Variants in SCML2 observed in about 807,000 individuals in gnomAD.
SCML2 encodes the protein Scm polycomb group protein like 2, also known as sex comb on midleg-like protein 2.
SCML2 carries 6 observed loss-of-function variants against 48.4 expected under a neutral mutation model. The observed-to-expected ratio is 0.12, with a 90% CI of 0.07 to 0.24. The LOEUF (loss-of-function observed/expected upper bound fraction) is 0.24, where lower values mean the gene tolerates loss of function less well. Ranked by LOEUF, SCML2 falls within the 10% of genes least tolerant of loss-of-function variation. The probability of loss-of-function intolerance (pLI) is 1.00; values close to 1 mark genes in which losing one functional copy is unlikely to be tolerated. For synonymous variants in SCML2, 181 were observed against 189.5 expected (o/e 0.95, Z 0.37); for missense variants, 377 against 528.2 (o/e 0.71, Z 2.81).
chrX:18,282,838 G>T (rs1927914365), intron 7 of SCML2, among the ~76,000 whole-genome samples: 1 of 111,341 alleles, frequency 9.0e-6, no homozygotes. Context: ...CAGAACAAAT[G>T]AATTCACAGC....
intron 6 of SCML2, among the ~76,000 whole-genome samples, chrX:18,315,762 C>T (rs1929102542): frequency 8.9e-6 from 1 of 112,098 alleles, no homozygotes; most frequent in Non-Finnish European, 1.9e-5. Context: ...TGTTTCAAAA[C>T]AACTTATGTA....
intron 7 of SCML2, among the ~76,000 whole-genome samples, chrX:18,274,036 T>A (rs1159061833): frequency 9.0e-6 from 1 of 111,714 alleles, no homozygotes; most frequent in Non-Finnish European, 1.9e-5. Context: ...TGCAACCTCA[T>A]TCCTCCTGGA....
chrX:18,303,991 C>T (rs982577479), intron 7 of SCML2, among the ~76,000 whole-genome samples: 1 of 111,917 alleles, frequency 8.9e-6, no homozygotes, highest in African/African-American at 3.2e-5. Flanking sequence ...TACTTAGTAG[C>T]GTTAGTTTTT....
At chrX:18,347,987 C>T (rs1349881936) in intron 1 of SCML2, among the ~76,000 whole-genome samples, 1 of 111,126 alleles carries the variant, frequency 9.0e-6, no homozygotes, top group Non-Finnish European at 1.9e-5. Flanking sequence ...TTTAAGTTAC[C>T]CCCCAAAAAA....
chrX:18,320,545 T>C (rs945698680), intron 5 of SCML2, 125 bp from the exon 6 acceptor site: 1 of 406,741 alleles, frequency 2.5e-6, no homozygotes, highest in Admixed American at 4.0e-5. Context: ...TCTAAGAACT[T>C]TGAACATGGG....
rs1930485882 is a variant in SCML2 at position 18,354,650 on chromosome X, C to G, written c.-83G>C. 2 of 287,862 alleles carry G rather than the reference C, an allele frequency of 6.9e-6. No individual in the cohort carries two copies. Among genetic ancestry groups the G allele is most frequent in the African/African-American group, 5.5e-5 (2 of 36,186 alleles). 23.7% of individuals were successfully genotyped at this position (287,862 alleles called of 1,213,427 possible). ...GTCCCACCGATCGCGCGAGCCGGCACCGAGCTTCACACCGCCGCCGCCATG... is the reference window on the plus strand; with the variant it reads ...GTCCCACCGATCGCGCGAGCCGGCAGCGAGCTTCACACCGCCGCCGCCATG... On this transcript the variant is annotated 5_prime_UTR_variant, in exon 1 of 15. Transcript: ENST00000251900.
chrX:18,330,490 A>T, intron 3 of SCML2, 97 bp downstream of exon 3: 1 of 471,288 alleles, frequency 2.1e-6, no homozygotes, highest in Non-Finnish European at 3.5e-6. Context: ...AGACTGTACA[A>T]TAAGAAATCA....
At chrX:18,270,315 C>T (rs1397106856) in intron 7 of SCML2, among the ~76,000 whole-genome samples, 1 of 111,467 alleles carries the variant, frequency 9.0e-6, no homozygotes, top group East Asian at 2.8e-4. Context: ...GCATAAGCCA[C>T]CGCGCCCGGC....
At chrX:18,315,436 T>C (rs1311438674) in intron 6 of SCML2, among the ~76,000 whole-genome samples, 2 of 111,627 alleles carry the variant, frequency 1.8e-5, no homozygotes, top group Non-Finnish European at 3.8e-5. Context: ...AAGGTTTTTG[T>C]ATAAGATACA....
In SCML2 at chrX:18,262,238, T is replaced by TA. The variant is rs1034979662; in HGVS notation, c.949-1948dup. Among the ~76,000 whole-genome samples, 68 of 106,725 alleles carry TA rather than the reference T, an allele frequency of 6.4e-4. 2 individuals carry two copies. The highest frequency in any genetic ancestry group is 1.0e-3 in the African/African-American group (29 of 27,880). 92.7% of individuals were successfully genotyped at this position (106,725 alleles called of 115,157 possible). A position where few individuals can be genotyped will look rare whatever the true frequency, so the allele number is the denominator to read the frequency against. On this transcript the variant is annotated intron_variant, in intron 8 of 14. Transcript: ENST00000251900. ...TGTAGACAGGACATATTTGGGTCTT[T>TA]AAAAAAAAATCCATGTTGATAATCT...
chrX:18,268,083 G>A lies in SCML2; in HGVS notation c.731-2281C>T, dbSNP rs1927317996. On this transcript the variant is annotated intron_variant, in intron 7 of 14. Transcript: ENST00000251900. ...TAACCTCAACTGAGGAGTCACTGCT[G>A]CAACTCACTGATTTCCAAGTATGTT... Among the ~76,000 whole-genome samples, 3 of 112,446 alleles carry A rather than the reference G, an allele frequency of 2.7e-5. No individual in the cohort carries two copies. In the South Asian group the frequency reaches 1.1e-3, roughly 41 times the overall value.
chrX:18,354,299 G>A (rs1029923652), intron 1 of SCML2, among the ~76,000 whole-genome samples: 1 of 112,990 alleles, frequency 8.9e-6, no homozygotes, highest in Non-Finnish European at 1.9e-5. Flanking sequence ...TGCAGGCGAG[G>A]GGACGGGTGG....
At chrX:18,303,588 A>T (rs2147521457) in intron 7 of SCML2, among the ~76,000 whole-genome samples, 1 of 112,045 alleles carries the variant, frequency 8.9e-6, no homozygotes, top group South Asian at 3.7e-4. Flanking sequence ...TTGCATTGCT[A>T]ATACTATATC....
At position 18,256,102 on chromosome X, in the gene SCML2, C is replaced by A. The variant is rs1926830654; in HGVS notation, c.1456+746G>T. Among the ~76,000 whole-genome samples, 5 of 111,671 alleles carry A rather than the reference C, an allele frequency of 4.5e-5. No individual in the cohort carries two copies. The South Asian group carries it at 1.9e-3, about 42-fold the overall frequency. ...TCTTACACCTACCCTTTTATTCAGG[C>A]ATCGGTTTGGGGTTCTTATGGAAGA... On this transcript the variant is annotated intron_variant, in intron 11 of 14. Coordinates refer to ENST00000251900, the MANE Select transcript of SCML2 (RefSeq NM_006089.3).
intron 5 of SCML2, among the ~76,000 whole-genome samples, chrX:18,323,490 C>T (rs1423343331): frequency 9.0e-6 from 1 of 111,563 alleles, no homozygotes; most frequent in Non-Finnish European, 1.9e-5. Context: ...TGCTGAATGG[C>T]TCAGTGGACA....
intron 7 of SCML2, among the ~76,000 whole-genome samples, chrX:18,296,936 G>C (rs1235929894): frequency 2.7e-5 from 3 of 109,909 alleles, no homozygotes; most frequent in African/African-American, 9.9e-5. Context: ...ACCAGACAAG[G>C]ACACAAGGAA....
chrX:18,251,309 CAAAAAAAAAAAAAAAAAA>C (rs750658948), intron 11 of SCML2, among the ~76,000 whole-genome samples: 1 of 6,772 alleles, frequency 1.5e-4, no homozygotes, highest in East Asian at 2.4e-3. Flanking sequence ...GATTCCATTG[CAAAAAAAAAAAAAAAAAA>C]AAAAAAAAAA....
intron 7 of SCML2, among the ~76,000 whole-genome samples, chrX:18,270,372 T>A (rs765055519): frequency 7.7e-4 from 85 of 111,060 alleles, no homozygotes; most frequent in Non-Finnish European, 1.2e-3. Flanking sequence ...AAAGCAGGCT[T>A]TTCAAAGTCA....
At chrX:18,352,790 T>C (rs1480584640) in intron 1 of SCML2, among the ~76,000 whole-genome samples, 1 of 111,940 alleles carries the variant, frequency 8.9e-6, no homozygotes, top group Non-Finnish European at 1.9e-5. Context: ...TTTTTGAACG[T>C]TATGACACTA....
Sources: allele counts gnomAD v4.1 joint callset (sites outside exome capture counted in the v4.1 genomes callset), GRCh38; gene constraint gnomAD v4.1.1; transcripts MANE v1.5; gene names NCBI Gene and HGNC (gene_info 2026-07-23, HGNC 2026-07-21).